The following CDH18 variants were observed in gnomAD, a reference collection of about 807,000 sequenced individuals.
CDH18 encodes cadherin-18.
CDH18 carries 31 observed loss-of-function variants against 67.9 expected under a neutral mutation model. The observed-to-expected ratio is 0.46, with a 90% confidence interval of 0.34 to 0.62. CDH18 has a LOEUF of 0.62. Ranked by LOEUF, CDH18 falls within the 20% of genes least tolerant of loss-of-function variation. The pLI, the probability that CDH18 is intolerant of heterozygous loss-of-function variation, is 0.01. For synonymous variants in CDH18, 362 were observed against 347.2 expected, an observed-to-expected ratio of 1.04 and a Z score of -0.48; for missense variants, 890 against 975.5, an observed-to-expected ratio of 0.91 and a Z score of 1.17.
intron 2 of CDH18, among the ~76,000 whole-genome samples, chr5:20,222,663 G>T (rs565876158): frequency 2.6e-5 from 4 of 151,362 alleles, no homozygotes; most frequent in South Asian, 2.1e-4. Context: ...CAGTTTCCAA[G>T]AATTACAACA....
intron 1 of CDH18, among the ~76,000 whole-genome samples, chr5:20,501,569 A>ATATATATATTATATATATATATTATAT (rs1491455085): frequency 2.5e-4 from 4 of 16,186 alleles, no homozygotes; most frequent in Non-Finnish European, 4.4e-4. Context: ...ATATATATAT[A>ATATATATATTATATATATATATTATAT]ATATATATAT....
chr5:19,887,536 T>C (rs2150073706), intron 2 of CDH18, among the ~76,000 whole-genome samples: 1 of 152,140 alleles, frequency 6.6e-6, no homozygotes. Context: ...ATTGTTTTAA[T>C]ATTCACCTTT....
intron 3 of CDH18, among the ~76,000 whole-genome samples, chr5:19,761,844 C>A (rs377548454): frequency 6.6e-6 from 1 of 152,200 alleles, no homozygotes; most frequent in Admixed American, 6.5e-5. Flanking sequence ...TCAAACTATA[C>A]TACAAGGCTA....
intron 2 of CDH18, among the ~76,000 whole-genome samples, chr5:19,921,326 TTG>T (rs1792436777): frequency 6.6e-6 from 1 of 152,078 alleles, no homozygotes; most frequent in Non-Finnish European, 1.5e-5. Flanking sequence ...GGTCAGGAGA[TTG>T]CGACTATCCT....
chr5:19,648,345 G>A (rs1755083465), intron 5 of CDH18, among the ~76,000 whole-genome samples: 1 of 152,032 alleles, frequency 6.6e-6, no homozygotes, highest in South Asian at 2.1e-4. Context: ...ATCCCAAAAG[G>A]CGGAGGCTAC....
At chr5:19,884,081 T>G (rs1787942880) in intron 2 of CDH18, among the ~76,000 whole-genome samples, 1 of 152,118 alleles carries the variant, frequency 6.6e-6, no homozygotes, top group Non-Finnish European at 1.5e-5. Context: ...TTAAGCCTTT[T>G]ATGGAGATTT....
intron 1 of CDH18, among the ~76,000 whole-genome samples, chr5:20,322,998 A>C (rs1456705005): frequency 6.6e-6 from 1 of 152,252 alleles, no homozygotes; most frequent in South Asian, 2.1e-4. Context: ...ATATGGCATT[A>C]ATGGAATAGG....
chr5:19,662,846 G>C (rs560234624), intron 5 of CDH18, among the ~76,000 whole-genome samples: 5 of 151,934 alleles, frequency 3.3e-5, no homozygotes, highest in Non-Finnish European at 7.4e-5. Context: ...AAAATACTAC[G>C]TACGTGCGAA....
At chr5:20,113,246 G>A (rs576909850) in intron 2 of CDH18, among the ~76,000 whole-genome samples, 1 of 152,240 alleles carries the variant, frequency 6.6e-6, no homozygotes, top group South Asian at 2.1e-4. Context: ...GTGGTGGGAT[G>A]CCCACAGTAC....
intron 2 of CDH18, among the ~76,000 whole-genome samples, chr5:20,104,084 TTA>T (rs1024434287): frequency 1.3e-5 from 2 of 150,472 alleles, no homozygotes; most frequent in African/African-American, 4.9e-5. Context: ...ATATAGATGA[TTA>T]TATATATAGC....
At chr5:20,111,996 T>C (rs1353920779) in intron 2 of CDH18, among the ~76,000 whole-genome samples, 1 of 152,244 alleles carries the variant, frequency 6.6e-6, no homozygotes, top group Non-Finnish European at 1.5e-5. Context: ...TACTATCATG[T>C]CAGTTAACAG....
At chr5:20,100,237 AGAATTTT>A (rs1746340433) in intron 2 of CDH18, among the ~76,000 whole-genome samples, 1 of 152,234 alleles carries the variant, frequency 6.6e-6, no homozygotes, top group African/African-American at 2.4e-5. Flanking sequence ...AGAATGGGGT[AGAATTTT>A]GAAATCTTAT....
intron 1 of CDH18, among the ~76,000 whole-genome samples, chr5:20,383,502 G>A (rs986125634): frequency 1.3e-5 from 2 of 152,086 alleles, no homozygotes; most frequent in Non-Finnish European, 2.9e-5. Context: ...GGAATATCTA[G>A]CATTTGTTTT....
intron 1 of CDH18, among the ~76,000 whole-genome samples, chr5:20,566,991 C>T (rs1758550022): frequency 6.6e-6 from 1 of 152,150 alleles, no homozygotes; most frequent in South Asian, 2.1e-4. Context: ...ACGCCATGAT[C>T]AAACCAATTC....
intron 1 of CDH18, among the ~76,000 whole-genome samples, chr5:20,523,000 A>G (rs577972243): frequency 3.3e-5 from 5 of 152,266 alleles, no homozygotes; most frequent in East Asian, 1.9e-4. Context: ...CCTTGTTTTT[A>G]TGCTAGACAT....
upstream of CDH18, chr5:19,988,224 G>T (rs1252022059): frequency 6.6e-6 from 1 of 152,096 alleles, no homozygotes; most frequent in Non-Finnish European, 1.5e-5. Context: ...CTCGAGCCCT[G>T]GGCTCCGAGG....
chr5:20,281,619 T>C (rs1031427612), intron 1 of CDH18, among the ~76,000 whole-genome samples: 24 of 152,178 alleles, frequency 1.6e-4, no homozygotes, highest in African/African-American at 5.8e-4. Flanking sequence ...AGCCTTGTAG[T>C]ATAGTTTGAA....
At chr5:20,521,604 A>AT (rs1755746737) in intron 1 of CDH18, among the ~76,000 whole-genome samples, 2 of 152,136 alleles carry the variant, frequency 1.3e-5, no homozygotes, top group Admixed American at 1.3e-4. Context: ...GAGCAGATAC[A>AT]TGGGGCAGTA....
At chr5:20,513,447 G>C (rs1370814697) in intron 1 of CDH18, among the ~76,000 whole-genome samples, 1 of 152,098 alleles carries the variant, frequency 6.6e-6, no homozygotes, top group Non-Finnish European at 1.5e-5. Flanking sequence ...TTCCCCTGGG[G>C]ACAAGTGTAG....
Sources: allele counts gnomAD v4.1 joint callset (sites outside exome capture counted in the v4.1 genomes callset), GRCh38; gene constraint gnomAD v4.1.1; transcripts MANE v1.5; gene names NCBI Gene and HGNC (gene_info 2026-07-23, HGNC 2026-07-21).